The following ADCY1 variants were observed in gnomAD, a reference collection of about 807,000 sequenced individuals.
The protein encoded by ADCY1 is adenylate cyclase 1.
ADCY1 carries 28 observed loss-of-function variants against 105.4 expected under a neutral mutation model. The ratio of observed to expected loss-of-function variants is 0.27; its 90% CI spans 0.20 to 0.36. The LOEUF (loss-of-function observed/expected upper bound fraction) is 0.36, where lower values mean the gene tolerates loss of function less well. Ranked by LOEUF, ADCY1 falls within the 10% of genes least tolerant of loss-of-function variation. ADCY1 has a pLI of 1.00. For missense variants in ADCY1, 977 were observed against 1,434.2 expected (o/e 0.68, Z 5.15); for synonymous variants, 655 against 623.8 (o/e 1.05, Z -0.75).
intron 3 of ADCY1, among the ~76,000 whole-genome samples, chr7:45,621,774 A>G (rs1203502120): frequency 6.6e-6 from 1 of 152,194 alleles, no homozygotes; most frequent in Non-Finnish European, 1.5e-5. Flanking sequence ...GGGTTCAGGA[A>G]GCCTCAAAGT....
intron 8 of ADCY1, among the ~76,000 whole-genome samples, chr7:45,670,322 C>T (rs906436930): frequency 2.0e-5 from 3 of 152,230 alleles, no homozygotes; most frequent in Non-Finnish European, 4.4e-5. Context: ...ATGCCCGTCA[C>T]AGCCCAGGAC....
chr7:45,601,850 A>G (rs1197687657), intron 2 of ADCY1, among the ~76,000 whole-genome samples: 1 of 152,004 alleles, frequency 6.6e-6, no homozygotes, highest in African/African-American at 2.4e-5. Flanking sequence ...AGGAGAAGGG[A>G]AGGGGCCTGA....
In ADCY1 at chr7:45,649,013, A is replaced by G. The variant is rs1464428; in HGVS notation, c.1148+216A>G. 0.012 allele frequency among the ~76,000 whole-genome samples: 1,892 copies of G among 152,174 alleles called. 81 individuals are homozygous for G. In the East Asian group the frequency reaches 0.14, roughly 12 times the overall value. On this transcript the variant is annotated intron_variant, in intron 5 of 19. Transcript: ENST00000297323. ...TGCTTCCGTGATTCCCTGCCTTTAC[A>G]TTTCGTGTGTGGCTGTATTTCTTTG... is the stretch of plus-strand genomic sequence containing the variant.
At position 45,629,819 on chromosome 7, in the gene ADCY1, G is replaced by A. The variant is rs183699033; in HGVS notation, c.1020+7076G>A. ...CAGGCGTGAGCCACCGCGCCCGGCC[G>A]TATGCTTAACTTTTTATGAAACAGA... is the stretch of plus-strand genomic sequence containing the variant. On this transcript the variant is annotated intron_variant, in intron 4 of 19. Coordinates refer to ENST00000297323, the MANE Select transcript of ADCY1 (RefSeq NM_021116.4). Among the ~76,000 whole-genome samples the A allele has an allele frequency of 2.7e-3, 414 of 152,286 alleles. 3 individuals are homozygous for A. Among genetic ancestry groups the A allele is most frequent in the African/African-American group, 8.3e-3 (347 of 41,568 alleles).
chr7:45,701,111 A>G (rs1784986952), intron 14 of ADCY1, among the ~76,000 whole-genome samples: 1 of 152,262 alleles, frequency 6.6e-6, no homozygotes, highest in Non-Finnish European at 1.5e-5. Context: ...TTTTGTTGAC[A>G]GGAATAATGT....
rs553775818 is a variant in ADCY1, at chr7:45,719,661, G to C, written c.*5666G>C. The C allele has an allele frequency of 6.6e-6, 1 of 152,344 alleles. No homozygotes were observed. Among genetic ancestry groups the C allele is most frequent in the South Asian group, 2.1e-4 (1 of 4,824 alleles). 9.4% of individuals were successfully genotyped at this position (152,344 alleles called of 1,614,324 possible). A position where few individuals can be genotyped will look rare whatever the true frequency, so the allele number is the denominator to read the frequency against. On this transcript the variant is annotated 3_prime_UTR_variant, in exon 20 of 20. Coordinates refer to ENST00000297323, the MANE Select transcript of ADCY1 (RefSeq NM_021116.4). ...ATTACATGTGTGAACACGTGTTTCT[G>C]TCGTGTGTGTCATGCACATCTGTGT...
At chr7:45,712,251 C>CTT (rs5883941) in intron 19 of ADCY1, among the ~76,000 whole-genome samples, 54 of 135,414 alleles carry the variant, frequency 4.0e-4, no homozygotes, top group African/African-American at 1.2e-3. Context: ...ATACTTACAC[C>CTT]TTTTTTTTTT....
At chr7:45,615,038 T>C (rs1002497234) in intron 3 of ADCY1, among the ~76,000 whole-genome samples, 4 of 152,124 alleles carry the variant, frequency 2.6e-5, no homozygotes, top group African/African-American at 4.8e-5. Context: ...CTAACAGACA[T>C]ATAGCGGACA....
At chr7:45,616,735 T>A (rs1341729691) in intron 3 of ADCY1, among the ~76,000 whole-genome samples, 1 of 152,150 alleles carries the variant, frequency 6.6e-6, no homozygotes, top group Non-Finnish European at 1.5e-5. Flanking sequence ...ACAAAAAGCC[T>A]TCCCTCTAAA....
chr7:45,678,947 A>G (rs1261012705), intron 10 of ADCY1, among the ~76,000 whole-genome samples: 2 of 152,144 alleles, frequency 1.3e-5, no homozygotes, highest in Non-Finnish European at 2.9e-5. Flanking sequence ...TAATGAGCTC[A>G]TTGGCTTCTA....
chr7:45,711,724 CATATATGTGTGTATATAT>C, intron 19 of ADCY1, among the ~76,000 whole-genome samples: 1 of 134,860 alleles, frequency 7.4e-6, no homozygotes, highest in Non-Finnish European at 1.6e-5. Context: ...TGTGTATATA[CATATATGTGTGTATATAT>C]ACGTGTGTGT....
At chr7:45,706,305 G>A (rs1402518063) in intron 17 of ADCY1, among the ~76,000 whole-genome samples, 1 of 152,126 alleles carries the variant, frequency 6.6e-6, no homozygotes, top group East Asian at 1.9e-4. Context: ...TTACAAAGCT[G>A]TAGTAATCAA....
intron 14 of ADCY1, among the ~76,000 whole-genome samples, chr7:45,698,763 A>G (rs1784933522): frequency 6.6e-6 from 1 of 152,178 alleles, no homozygotes; most frequent in Admixed American, 6.5e-5. Flanking sequence ...TGGCCGTGCA[A>G]AGCTAGAGTC....
chr7:45,693,240 A>AT (rs1178576040), intron 14 of ADCY1, among the ~76,000 whole-genome samples: 3 of 151,244 alleles, frequency 2.0e-5, no homozygotes, highest in Non-Finnish European at 4.4e-5. Context: ...GTTTGCCAGT[A>AT]TTTTATTGAG....
chr7:45,581,481 C>T (rs1257666156), intron 1 of ADCY1, among the ~76,000 whole-genome samples: 2 of 152,214 alleles, frequency 1.3e-5, no homozygotes, highest in Admixed American at 6.5e-5. Flanking sequence ...CCCTGTGGAA[C>T]AGCCCCAGTC....
intron 1 of ADCY1, among the ~76,000 whole-genome samples, chr7:45,578,130 C>T (rs1792404926): frequency 6.6e-6 from 1 of 152,174 alleles, no homozygotes; most frequent in East Asian, 1.9e-4. Context: ...TGCCCCAGGA[C>T]TCTGGGGGGC....
chr7:45,697,281 G>A (rs937585643), intron 14 of ADCY1, among the ~76,000 whole-genome samples: 1 of 152,012 alleles, frequency 6.6e-6, no homozygotes, highest in Non-Finnish European at 1.5e-5. Flanking sequence ...TCCGTGTACA[G>A]TGACGGTGGA....
chr7:45,595,141 T>G (rs1793036335), intron 2 of ADCY1, among the ~76,000 whole-genome samples: 1 of 152,236 alleles, frequency 6.6e-6, no homozygotes, highest in African/African-American at 2.4e-5. Context: ...TTCCCAAGTT[T>G]CTGAGGTATT....
At chr7:45,593,604 C>G (rs1023682839) in intron 2 of ADCY1, among the ~76,000 whole-genome samples, 1 of 152,234 alleles carries the variant, frequency 6.6e-6, no homozygotes. Flanking sequence ...TTGGGATAAG[C>G]CTGGCACATT....
Sources: gnomAD v4.1 joint callset for allele counts (sites outside exome capture counted in the v4.1 genomes callset) on GRCh38, gnomAD v4.1.1 for gene constraint, MANE v1.5 for transcripts, NCBI Gene and HGNC (gene_info 2026-07-23, HGNC 2026-07-21) for gene names.